The following F2 variants were observed in gnomAD, a reference collection of about 807,000 sequenced individuals.
The protein encoded by F2 is prothrombin.
A neutral mutation model predicts 81.9 loss-of-function variants in F2; 34 were observed. That is an observed-to-expected ratio of 0.42 (90% CI 0.32 to 0.55). The LOEUF is 0.55. Ranked by LOEUF, F2 falls within the 20% of genes least tolerant of loss-of-function variation. The pLI is 0.18. For missense variants in F2, 630 were observed against 833.4 expected, an observed-to-expected ratio of 0.76 and a Z score of 3.00; for synonymous variants, 296 against 326.4, an observed-to-expected ratio of 0.91 and a Z score of 1.01.
Position 46,723,362 on chromosome 11 carries a change from T to C in F2, c.423-20T>C, listed in dbSNP as rs564992180. ...TACCTCAAGCCCAACAGCCTCCTGT[T>C]GGGCAATTTCCTGTTCCAGAATCAA... On this transcript the variant is annotated intron_variant, in intron 5 of 13. Coordinates refer to ENST00000311907, the MANE Select transcript of F2 (RefSeq NM_000506.5). The surrounding 1 kb of genome is among the most constrained non-coding windows in gnomAD (Gnocchi z 5.6). 6.2e-7 allele frequency: 1 copy of C among 1,613,486 alleles called. No homozygotes were observed. The highest frequency in any genetic ancestry group is 1.6e-4 in the Middle Eastern group (1 of 6,062).
chr11:46,719,275 G>A lies in F2; in HGVS notation c.40G>A (p.Ala14Thr). 1.9e-6 allele frequency: 3 copies of A among 1,613,578 alleles called. No individual in the cohort carries two copies. The highest frequency in any genetic ancestry group is 1.7e-6 in the Non-Finnish European group (2 of 1,179,996). ...VRGLQLPGCLALAALCSLVHS... is the reference protein window; with the variant it reads ...VRGLQLPGCLTLAALCSLVHS... ...AGGCTTGCAGCTGCCTGGCTGCCTGGCCCTGGCTGCCCTGTGTAGCCTTGT... is the reference window on the plus strand; with the variant it reads ...AGGCTTGCAGCTGCCTGGCTGCCTGACCCTGGCTGCCCTGTGTAGCCTTGT... Residue 14 changes from alanine to threonine, a missense_variant, in exon 1 of 14, where the codon GCC becomes ACC. By Grantham distance (58) the Ala-to-Thr change is moderately conservative. Coordinates refer to ENST00000311907, the MANE Select transcript of F2 (RefSeq NM_000506.5). This position sits in a 1 kb window ranked among gnomAD's most constrained non-coding sequence, Gnocchi z 4.7.
Position 46,720,695 on chromosome 11 carries a change from A to G in F2, c.266-95A>G, listed in dbSNP as rs557393985. Reference sequence around the variant, plus strand: ...CTTGGTCCCTCCCATCTGTTCATCCATCTTTCTGTTTCTCACCAACATCCC... The same window carrying G: ...CTTGGTCCCTCCCATCTGTTCATCCGTCTTTCTGTTTCTCACCAACATCCC... On this transcript the variant is annotated intron_variant, in intron 3 of 13. Transcript: ENST00000311907. 2.0e-6 allele frequency: 3 copies of G among 1,530,528 alleles called. No homozygotes were observed. The African/African-American group carries it at 4.1e-5, about 21-fold the overall frequency. The allele number at this position is 1,530,528 out of a possible 1,614,324, so 94.8% of individuals were successfully genotyped here.
At chr11:46,724,755 C>T (rs1340022553) in intron 6 of F2, among the ~76,000 whole-genome samples, 1 of 139,984 alleles carries the variant, frequency 7.1e-6, no homozygotes, top group African/African-American at 2.5e-5. Context: ...ATTGCTCATT[C>T]CTGGGGTTGG....
chr11:46,726,082 C>T lies in F2; in HGVS notation c.783C>T (p.Phe261=). ...FNSAVQLVEN[F]CRNPDGDEEG... ...CAGCTGTGCAGCTGGTGGAGAACTT[C>T]TGCCGCAACCCAGACGGGGATGAGG... The change falls in exon 7 of 14, where the codon TTC becomes TTT. Residue 261 remains phenylalanine (F), a synonymous_variant. Transcript: ENST00000311907. The surrounding 1 kb of genome is among the most constrained non-coding windows in gnomAD (Gnocchi z 5.9). The T allele has an allele frequency of 6.2e-7, 1 of 1,614,214 alleles. No individual in the cohort carries two copies. Among genetic ancestry groups the T allele is most frequent in the Non-Finnish European group, 8.5e-7 (1 of 1,180,038 alleles).
chr11:46,721,967 T>C (rs2064839876), intron 4 of F2, among the ~76,000 whole-genome samples: 1 of 151,914 alleles, frequency 6.6e-6, no homozygotes, highest in Non-Finnish European at 1.5e-5. Context: ...CTTAGCCTCC[T>C]GAGTAGCTGG....
intron 6 of F2, among the ~76,000 whole-genome samples, chr11:46,724,646 G>A (rs1229579002): frequency 5.9e-5 from 9 of 152,210 alleles, no homozygotes; most frequent in Admixed American, 5.2e-4. Context: ...AAATCACAGA[G>A]CAAGGGATGT....
intron 12 of F2, among the ~76,000 whole-genome samples, chr11:46,732,409 T>C (rs899087067): frequency 6.6e-6 from 1 of 151,996 alleles, no homozygotes; most frequent in Admixed American, 6.6e-5. Flanking sequence ...TTCTTTTTTT[T>C]TGAGATGGAG....
rs3136452 is a variant in F2 at position 46,723,439 on chromosome 11, C to T, written c.480C>T (p.Pro160=). Residue 160 remains proline (P), a synonymous_variant, in exon 6 of 14, where the codon CCC becomes CCT. Transcript: ENST00000311907. This position sits in a 1 kb window ranked among gnomAD's most constrained non-coding sequence, Gnocchi z 5.6. Reference sequence around the variant, plus strand: ...TACAGGAGAATTTCTGCCGCAACCCCGACAGCAGCACCACGGGACCCTGGT... The same window carrying T: ...TACAGGAGAATTTCTGCCGCAACCCTGACAGCAGCACCACGGGACCCTGGT... ...ADLQENFCRN[P]DSSTTGPWCY... is the part of the protein sequence containing the mutation. 7.6e-3 allele frequency: 12,250 copies of T among 1,614,054 alleles called. 786 individuals are homozygous for T. In the African/African-American group the frequency reaches 0.14, roughly 19 times the overall value.
chr11:46,732,817 ACTTT>A (rs911690361), intron 12 of F2, among the ~76,000 whole-genome samples: 67 of 152,216 alleles, frequency 4.4e-4, no homozygotes, highest in African/African-American at 1.5e-3. Context: ...TTCTTTGAGT[ACTTT>A]CTTTCTTTCT....
At chr11:46,720,293 C>A in intron 2 of F2, 1 of 600,030 alleles carries the variant, frequency 1.7e-6, no homozygotes, top group Admixed American at 2.8e-5. Context: ...CCTCTCCTCC[C>A]ATCTCCCCCA....
rs764204575 is a variant in F2 at position 46,723,101 on chromosome 11, G to A, written c.317-79G>A. On this transcript the variant is annotated intron_variant, in intron 4 of 13. Transcript: ENST00000311907. This position sits in a 1 kb window ranked among gnomAD's most constrained non-coding sequence, Gnocchi z 5.6. Reference sequence around the variant, plus strand: ...ATTGTGGACCTGCATGAGCTGGGAGGTGGGGGATAGACAACTTTGCAGGGA... The same window carrying A: ...ATTGTGGACCTGCATGAGCTGGGAGATGGGGGATAGACAACTTTGCAGGGA... 6 of 1,206,022 alleles carry A rather than the reference G, an allele frequency of 5.0e-6. No individual in the cohort carries two copies. The highest frequency in any genetic ancestry group is 5.0e-6 in the Non-Finnish European group (4 of 807,984). The allele number at this position is 1,206,022 out of a possible 1,614,324, so 74.7% of individuals were successfully genotyped here. A position where few individuals can be genotyped will look rare whatever the true frequency, so the allele number is the denominator to read the frequency against.
chr11:46,736,177 T>TG (rs2064943393), intron 12 of F2, among the ~76,000 whole-genome samples: 1 of 152,196 alleles, frequency 6.6e-6, no homozygotes, highest in South Asian at 2.1e-4. Context: ...CACTCCAGCC[T>TG]GGCAACAGAG....
Position 46,739,109 on chromosome 11 carries a change from T to C in F2, c.1716T>C (p.Phe572=), listed in dbSNP as rs548056166. ...DACEGDSGGP[F]VMKSPFNNRW... ...GTGAAGGTGACAGTGGGGGACCCTT[T>C]GTCATGAAGGTAAGCTTCTCTAAAG... Residue 572 remains phenylalanine, a synonymous_variant, in exon 13 of 14, where the codon TTT becomes TTC. Transcript: ENST00000311907. The C allele has an allele frequency of 5.4e-5, 87 of 1,614,180 alleles. 1 individual carries two copies. In the South Asian group the frequency reaches 8.2e-4, roughly 15 times the overall value.
chr11:46,721,845 T>TC (rs1297693081), intron 4 of F2, among the ~76,000 whole-genome samples: 1 of 151,196 alleles, frequency 6.6e-6, no homozygotes, highest in East Asian at 1.9e-4. Flanking sequence ...ACTTTCATTT[T>TC]TTTTTTTTTT....
chr11:46,738,966 C>A, intron 12 of F2, 82 bp from the exon 13 acceptor site: 1 of 1,421,322 alleles, frequency 7.0e-7, no homozygotes, highest in Non-Finnish European at 9.9e-7. Flanking sequence ...GGTAAGTGGA[C>A]TCTCACCAGC....
chr11:46,720,677 C>A, intron 3 of F2, 113 bp from the exon 4 acceptor site: 1 of 1,496,606 alleles, frequency 6.7e-7, no homozygotes, highest in Admixed American at 1.7e-5. Context: ...TTCCTTGGTC[C>A]CTCCCATCTG....
intron 12 of F2, among the ~76,000 whole-genome samples, chr11:46,735,518 G>A (rs946198422): frequency 6.6e-6 from 1 of 152,102 alleles, no homozygotes; most frequent in Non-Finnish European, 1.5e-5. Flanking sequence ...AGCTACTTGA[G>A]AGGCTGAGTT....
At chr11:46,729,118 C>T (rs1033036445) in intron 11 of F2, among the ~76,000 whole-genome samples, 1 of 152,086 alleles carries the variant, frequency 6.6e-6, no homozygotes, top group Non-Finnish European at 1.5e-5. Flanking sequence ...GCCTCAGTCT[C>T]CTGAGTAGCT....
Position 46,726,250 on chromosome 11 carries a change from G to C in F2, c.874+77G>C. On this transcript the variant is annotated intron_variant, in intron 7 of 13. Coordinates refer to ENST00000311907, the MANE Select transcript of F2 (RefSeq NM_000506.5). This position sits in a 1 kb window ranked among gnomAD's most constrained non-coding sequence, Gnocchi z 5.9. ...ATAACAACAGCCGCTTCTGCTTATC[G>C]AACGCTTACCTCATTGAGTGCGCTC... 6.4e-7 allele frequency: 1 copy of C among 1,573,592 alleles called. No individual in the cohort carries two copies. Among genetic ancestry groups the C allele is most frequent in the East Asian group, 2.2e-5 (1 of 44,460 alleles).
Sources: gnomAD v4.1 joint callset for allele counts (sites outside exome capture counted in the v4.1 genomes callset) on GRCh38, gnomAD v4.1.1 for gene constraint, Gnocchi (gnomAD v3.1) non-coding constraint, MANE v1.5 for transcripts, NCBI Gene and HGNC (gene_info 2026-07-23, HGNC 2026-07-21) for gene names.